The following DUS4L variants were observed in gnomAD, a reference collection of about 807,000 sequenced individuals.
DUS4L encodes dihydrouridine synthase 4 like.
Under a neutral mutation model 33.8 loss-of-function variants are expected in DUS4L, and 31 were observed. That is an observed-to-expected ratio of 0.92 (90% confidence interval 0.69 to 1.24). The LOEUF is 1.24. Ranked by LOEUF, DUS4L falls within the 50% of genes most tolerant of loss-of-function variation. The pLI is 0.00. For synonymous variants in DUS4L, 103 were observed against 120.3 expected, an observed-to-expected ratio of 0.86 and a Z score of 0.94; for missense variants, 368 against 388.6, an observed-to-expected ratio of 0.95 and a Z score of 0.45.
chr7:107,570,371 T>A (rs577326232), intron 3 of DUS4L: 1 of 152,184 alleles, frequency 6.6e-6, no homozygotes, highest in South Asian at 2.1e-4. Context: ...GAGTTCCAGT[T>A]CCCCATAGTG....
chr7:107,569,738 A>C (rs1805035863), intron 3 of DUS4L, among the ~76,000 whole-genome samples: 1 of 152,208 alleles, frequency 6.6e-6, no homozygotes, highest in African/African-American at 2.4e-5. Flanking sequence ...AGCACATAGA[A>C]ATAGATTTTT....
At chr7:107,577,264 A>AC (rs759045955) in intron 7 of DUS4L, 49 bp from the exon 8 acceptor site, 1 of 1,601,468 alleles carries the variant, frequency 6.2e-7, no homozygotes, top group Non-Finnish European at 8.5e-7. Context: ...TGAACTAATA[A>AC]CCAGGGGTTC....
intron 3 of DUS4L, chr7:107,567,859 A>G: frequency 2.6e-6 from 1 of 383,250 alleles, no homozygotes; most frequent in South Asian, 2.1e-5. Context: ...GAACTTCACT[A>G]CTCTAGGTAC....
chr7:107,565,470 A>G (rs1441220443), intron 2 of DUS4L, among the ~76,000 whole-genome samples: 1 of 152,166 alleles, frequency 6.6e-6, no homozygotes, highest in African/African-American at 2.4e-5. Flanking sequence ...TGGGCATGCT[A>G]ATTCTTAAAA....
At position 107,571,035 on chromosome 7, in the gene DUS4L, TCTC is replaced by T. The variant is rs1397173395; in HGVS notation, c.117-105_117-103del. On this transcript the variant is annotated intron_variant, in intron 3 of 7. Coordinates refer to ENST00000265720, the MANE Select transcript of DUS4L (RefSeq NM_181581.3). ...AACAGGAATAATAGGGAAAAGTAAA[TCTC>T]CTCCATCTCCCCATAGGTAGAACTT... 158 of 1,369,086 alleles carry T rather than the reference TCTC, an allele frequency of 1.2e-4. No homozygotes were observed. In the East Asian group the frequency reaches 3.2e-3, roughly 28 times the overall value. 84.8% of individuals were successfully genotyped at this position (1,369,086 alleles called of 1,614,324 possible). A position where few individuals can be genotyped will look rare whatever the true frequency, so the allele number is the denominator to read the frequency against.
In DUS4L at chr7:107,577,831, A is replaced by G; in HGVS notation, c.*271A>G. On this transcript the variant is annotated 3_prime_UTR_variant, in exon 8 of 8. Transcript: ENST00000265720. Reference sequence around the variant, plus strand: ...CAAACATTGACAAATACTGCTCTGAATCCTGTTCTATAGATATTGGGGGGA... The same window carrying G: ...CAAACATTGACAAATACTGCTCTGAGTCCTGTTCTATAGATATTGGGGGGA... 3.6e-6 allele frequency: 1 copy of G among 276,106 alleles called. No individual in the cohort carries two copies. Among genetic ancestry groups the G allele is most frequent in the Non-Finnish European group, 6.9e-6 (1 of 144,810 alleles). The allele number at this position is 276,106 out of a possible 1,614,324, so 17.1% of individuals were successfully genotyped here.
intron 7 of DUS4L, 173 bp downstream of exon 7, chr7:107,576,765 AC>A (rs1357809484): frequency 1.4e-5 from 8 of 588,642 alleles, no homozygotes; most frequent in Non-Finnish European, 2.2e-5. Context: ...ACCTAGAAAA[AC>A]ATGGATTATC....
At chr7:107,574,175 G>A (rs1805518622) in intron 5 of DUS4L, among the ~76,000 whole-genome samples, 1 of 151,918 alleles carries the variant, frequency 6.6e-6, no homozygotes, top group Non-Finnish European at 1.5e-5. Context: ...AGATATACTT[G>A]CTCTGAAAAC....
At chr7:107,577,150 A>G in intron 7 of DUS4L, 163 bp from the exon 8 acceptor site, 1 of 1,005,452 alleles carries the variant, frequency 9.9e-7, no homozygotes, top group Admixed American at 2.9e-5. Flanking sequence ...AAAGGTACCA[A>G]AATTAATTCT....
chr7:107,569,498 G>A (rs1447038794), intron 3 of DUS4L, among the ~76,000 whole-genome samples: 2 of 152,182 alleles, frequency 1.3e-5, no homozygotes, highest in Non-Finnish European at 2.9e-5. Context: ...CATAAGAACT[G>A]TGTGAAACCT....
At chr7:107,570,741 T>C (rs1805145147) in intron 3 of DUS4L, 1 of 199,768 alleles carries the variant, frequency 5.0e-6, no homozygotes, top group African/African-American at 2.4e-5. Flanking sequence ...AAGTTTTCTG[T>C]CTTACTAGGT....
intron 3 of DUS4L, 73 bp from the exon 4 acceptor site, chr7:107,571,072 A>G: frequency 1.3e-6 from 2 of 1,590,812 alleles, no homozygotes; most frequent in South Asian, 2.3e-5. Flanking sequence ...TTTCTCTGAT[A>G]AATATTTAAC....
chr7:107,572,942 C>A (rs1467829441), intron 4 of DUS4L, among the ~76,000 whole-genome samples: 1 of 151,420 alleles, frequency 6.6e-6, no homozygotes, highest in East Asian at 1.9e-4. Flanking sequence ...GATAGCAATA[C>A]TAATTTCTTT....
intron 5 of DUS4L, 78 bp from the exon 6 acceptor site, chr7:107,575,110 A>T: frequency 6.3e-7 from 1 of 1,584,506 alleles, no homozygotes; most frequent in East Asian, 2.2e-5. Context: ...GGATGCACTT[A>T]CATTTCAGTG....
rs748997166 is a variant in DUS4L, at chr7:107,573,699, G to T, written c.239-5G>T. 63 of 1,604,132 alleles carry T rather than the reference G, an allele frequency of 3.9e-5. No individual in the cohort carries two copies. Among genetic ancestry groups the T allele is most frequent in the Non-Finnish European group, 5.1e-5 (60 of 1,176,466 alleles). ...ATTTTAATGTTGAGCTATTCATTTT[G>T]TCAGGTGATTGCCCATTGATTGTTC... On this transcript the variant is annotated splice_region_variant and splice_polypyrimidine_tract_variant and intron_variant, in intron 4 of 7. Transcript: ENST00000265720.
intron 3 of DUS4L, chr7:107,567,921 A>G (rs1804864312): frequency 4.0e-6 from 1 of 249,244 alleles, no homozygotes; most frequent in Admixed American, 5.5e-5. Flanking sequence ...TTTTGCTAAT[A>G]TTTTATGCAG....
chr7:107,571,032 A>T, intron 3 of DUS4L, 113 bp from the exon 4 acceptor site: 1 of 1,365,788 alleles, frequency 7.3e-7, no homozygotes, highest in Non-Finnish European at 1.0e-6. Context: ...AGGGAAAAGT[A>T]AATCTCCTCC....
chr7:107,568,262 C>T (rs2129189732), intron 3 of DUS4L, among the ~76,000 whole-genome samples: 1 of 152,332 alleles, frequency 6.6e-6, no homozygotes, highest in South Asian at 2.1e-4. Context: ...AACTACTGTA[C>T]TGCTTTCCAT....
rs1028764124 is a variant in DUS4L at position 107,566,958 on chromosome 7, A to C, written c.-21-92A>C. ...AATTTCTGAGCCCACAAGCCTGATAAAAAATATATGTTGTTGGCAGTTGAA... is the reference window on the plus strand; with the variant it reads ...AATTTCTGAGCCCACAAGCCTGATACAAAATATATGTTGTTGGCAGTTGAA... On this transcript the variant is annotated intron_variant, in intron 2 of 7. Transcript: ENST00000265720. 7 of 919,976 alleles carry C rather than the reference A, an allele frequency of 7.6e-6. 1 individual carries two copies. In the African/African-American group the frequency reaches 1.0e-4, roughly 13 times the overall value. 57.0% of individuals were successfully genotyped at this position (919,976 alleles called of 1,614,324 possible). A position where few individuals can be genotyped will look rare whatever the true frequency, so the allele number is the denominator to read the frequency against.
Sources: gnomAD v4.1 joint callset for allele counts (sites outside exome capture counted in the v4.1 genomes callset) on GRCh38, gnomAD v4.1.1 for gene constraint, MANE v1.5 for transcripts, NCBI Gene and HGNC (gene_info 2026-07-23, HGNC 2026-07-21) for gene names.